RGS5: variants seen among roughly 807,000 people sequenced by gnomAD.
RGS5 encodes regulator of G-protein signalling 5.
RGS5 carries 20 observed loss-of-function variants against 18.9 expected under a neutral mutation model. The observed-to-expected ratio is 1.06, with a 90% confidence interval of 0.74 to 1.54. RGS5 has a LOEUF of 1.54. Ranked by LOEUF, RGS5 falls within the 40% of genes most tolerant of loss-of-function variation. The pLI is 0.00. For synonymous variants in RGS5, 57 were observed against 76.2 expected, an observed-to-expected ratio of 0.75 and a Z score of 1.31; for missense variants, 201 against 211.8, an observed-to-expected ratio of 0.95 and a Z score of 0.32.
chr1:163,161,877 C>G (rs1360429411), intron 3 of RGS5, 38 bp downstream of exon 3: 2 of 1,534,980 alleles, frequency 1.3e-6, no homozygotes, highest in African/African-American at 2.7e-5. Flanking sequence ...TGTCTCTAAC[C>G]TGACCTTTAT....
intron 2 of RGS5, among the ~76,000 whole-genome samples, chr1:163,233,307 G>A (rs1369405971): frequency 6.6e-6 from 1 of 152,120 alleles, no homozygotes; most frequent in Non-Finnish European, 1.5e-5. Flanking sequence ...GATCTATGGG[G>A]TTTTCCCATT....
intron 3 of RGS5, among the ~76,000 whole-genome samples, chr1:163,153,501 G>A (rs910376746): frequency 2.0e-5 from 3 of 152,038 alleles, no homozygotes; most frequent in African/African-American, 7.2e-5. Flanking sequence ...TACTTACCAT[G>A]TCCATCAATT....
intron 2 of RGS5, among the ~76,000 whole-genome samples, chr1:163,166,675 C>T (rs536969673): frequency 6.6e-6 from 1 of 152,178 alleles, no homozygotes; most frequent in African/African-American, 2.4e-5. Flanking sequence ...TTTTCCAAAA[C>T]AATTTAGGCT....
intron 2 of RGS5, among the ~76,000 whole-genome samples, chr1:163,294,601 AT>A (rs1649378491): frequency 6.6e-6 from 1 of 152,106 alleles, no homozygotes; most frequent in South Asian, 2.1e-4. Context: ...ACATTTTCCC[AT>A]TTGTCTTGGC....
chr1:163,247,425 T>C (rs1210456737), intron 2 of RGS5, among the ~76,000 whole-genome samples: 1 of 151,170 alleles, frequency 6.6e-6, no homozygotes, highest in Non-Finnish European at 1.5e-5. Flanking sequence ...CTAATTTAGA[T>C]CAATATAATA....
chr1:163,281,792 A>G (rs937558682), intron 2 of RGS5, among the ~76,000 whole-genome samples: 1 of 152,212 alleles, frequency 6.6e-6, no homozygotes, highest in African/African-American at 2.4e-5. Context: ...TATTTTGGAC[A>G]AAGGTATCAT....
chr1:163,183,646 G>T (rs541515886), intron 1 of RGS5, among the ~76,000 whole-genome samples: 2 of 152,276 alleles, frequency 1.3e-5, no homozygotes, highest in East Asian at 3.9e-4. Flanking sequence ...ATTATGCTAA[G>T]AATTAAATTA....
intron 2 of RGS5, among the ~76,000 whole-genome samples, chr1:163,247,436 T>C (rs1202582016): frequency 1.3e-5 from 2 of 150,336 alleles, no homozygotes; most frequent in Non-Finnish European, 3.0e-5. Flanking sequence ...CAATATAATA[T>C]GTAATCAGCA....
At chr1:163,298,494 G>A (rs1186303810) in intron 2 of RGS5, among the ~76,000 whole-genome samples, 1 of 152,120 alleles carries the variant, frequency 6.6e-6, no homozygotes, top group Non-Finnish European at 1.5e-5. Context: ...GGGGTTGGTG[G>A]TTTATCGGGG....
intron 3 of RGS5, among the ~76,000 whole-genome samples, chr1:163,153,202 T>G (rs1204866666): frequency 6.6e-6 from 1 of 152,168 alleles, no homozygotes; most frequent in Non-Finnish European, 1.5e-5. Context: ...TACAGATGAT[T>G]TTTGTTTAAC....
intron 2 of RGS5, among the ~76,000 whole-genome samples, chr1:163,268,448 T>G (rs777463466): frequency 1.3e-5 from 2 of 152,158 alleles, no homozygotes; most frequent in African/African-American, 2.4e-5. Flanking sequence ...CTTGATGCTC[T>G]TGCATTTAAG....
At chr1:163,216,555 T>C (rs752192333) in intron 1 of RGS5, among the ~76,000 whole-genome samples, 21 of 152,222 alleles carry the variant, frequency 1.4e-4, no homozygotes, top group Admixed American at 3.3e-4. Context: ...ACTTCAGCTA[T>C]AGATAGCACG....
chr1:163,295,412 G>A (rs1187823273), intron 2 of RGS5, among the ~76,000 whole-genome samples: 1 of 152,128 alleles, frequency 6.6e-6, no homozygotes, highest in Non-Finnish European at 1.5e-5. Context: ...AAATGGCCTA[G>A]GTCATGGGAT....
intron 2 of RGS5, among the ~76,000 whole-genome samples, chr1:163,262,524 A>T (rs1354783328): frequency 1.4e-5 from 1 of 73,910 alleles, no homozygotes; most frequent in Non-Finnish European, 2.7e-5. Context: ...TCCATGGTGT[A>T]TATGTGCCAC....
At chr1:163,153,291 G>C (rs1657451325) in intron 3 of RGS5, among the ~76,000 whole-genome samples, 1 of 152,140 alleles carries the variant, frequency 6.6e-6, no homozygotes, top group African/African-American at 2.4e-5. Context: ...GGAGCTTATA[G>C]ATTCTGGAAA....
At chr1:163,227,292 T>A (rs6668143) in intron 2 of RGS5, among the ~76,000 whole-genome samples, 27,114 of 152,186 alleles carry the variant, frequency 0.18, 2,481 homozygotes, top group Middle Eastern at 0.27. Flanking sequence ...ACAGGTTTAA[T>A]TGACTCACAG....
chr1:163,144,696 A>T lies in RGS5; in HGVS notation c.*2646T>A, dbSNP rs1261514400. On this transcript the variant is annotated 3_prime_UTR_variant, in exon 5 of 5. Transcript: ENST00000313961. ...TGTTACACATGTTTTTCCTGGAAAG[A>T]TCACCCCACTTTTTCTAATTTCCCA... The T allele has an allele frequency of 2.6e-5, 4 of 152,554 alleles. No homozygotes were observed. The Admixed American group carries it at 2.6e-4, about 10-fold the overall frequency. 9.5% of individuals were successfully genotyped at this position (152,554 alleles called of 1,614,324 possible).
intron 3 of RGS5, among the ~76,000 whole-genome samples, chr1:163,157,390 C>T (rs1253960535): frequency 6.6e-6 from 1 of 152,172 alleles, no homozygotes; most frequent in African/African-American, 2.4e-5. Flanking sequence ...AGTTGATATA[C>T]TTTCAGAACA....
chr1:163,269,675 C>T (rs184211353), intron 2 of RGS5, among the ~76,000 whole-genome samples: 46 of 152,192 alleles, frequency 3.0e-4, no homozygotes, highest in African/African-American at 1.1e-3. Flanking sequence ...TTTTAAATGC[C>T]TAGAATTTAA....
Sources: gnomAD v4.1 joint callset for allele counts (sites outside exome capture counted in the v4.1 genomes callset) on GRCh38, gnomAD v4.1.1 for gene constraint, MANE v1.5 for transcripts, NCBI Gene and HGNC (gene_info 2026-07-23, HGNC 2026-07-21) for gene names.